Variants in KAZN observed in about 807,000 individuals in gnomAD.
The protein encoded by KAZN is kazrin.
Under a neutral mutation model 87.4 loss-of-function variants are expected in KAZN, and 40 were observed. The ratio of observed to expected loss-of-function variants is 0.46; its 90% confidence interval spans 0.36 to 0.60. The LOEUF (loss-of-function observed/expected upper bound fraction) is 0.60, where lower values mean the gene tolerates loss of function less well. Among genes scored for constraint, KAZN ranks in the 20% least tolerant of loss-of-function variants. KAZN has a pLI of 0.00. For missense variants in KAZN, 898 were observed against 1,073.9 expected (o/e 0.84, Z 2.29); for synonymous variants, 466 against 458.3 (o/e 1.02, Z -0.22).
intron 2 of KAZN, among the ~76,000 whole-genome samples, chr1:15,026,542 C>T (rs1671179345): frequency 1.3e-5 from 2 of 152,104 alleles, no homozygotes; most frequent in African/African-American, 4.8e-5. Context: ...ACCTGGGACC[C>T]CCACCCCCAA....
intron 2 of KAZN, among the ~76,000 whole-genome samples, chr1:15,017,573 G>T (rs752407289): frequency 6.6e-6 from 1 of 152,164 alleles, no homozygotes; most frequent in Non-Finnish European, 1.5e-5. Flanking sequence ...GAAGGCTGAG[G>T]TGGGCGGATC....
At chr1:14,392,079 A>T (rs989288899) in intron 2 of KAZN, among the ~76,000 whole-genome samples, 1 of 94,858 alleles carries the variant, frequency 1.1e-5, no homozygotes, top group Non-Finnish European at 2.5e-5. Context: ...GATTCCTTTA[A>T]CTTTAAGGGA....
intron 1 of KAZN, among the ~76,000 whole-genome samples, chr1:14,059,960 C>T (rs1557441386): frequency 6.6e-6 from 1 of 152,204 alleles, no homozygotes; most frequent in East Asian, 1.9e-4. Flanking sequence ...ATCCTCAAGT[C>T]AATACCTTTT....
intron 2 of KAZN, among the ~76,000 whole-genome samples, chr1:14,344,356 T>C (rs1657960048): frequency 6.6e-6 from 1 of 152,032 alleles, no homozygotes; most frequent in South Asian, 2.1e-4. Context: ...TGTATCTCAA[T>C]GATTACAAGT....
At chr1:14,299,674 C>T (rs994697986) in intron 2 of KAZN, among the ~76,000 whole-genome samples, 1 of 152,236 alleles carries the variant, frequency 6.6e-6, no homozygotes, top group Admixed American at 6.5e-5. Flanking sequence ...ATCACACTCA[C>T]TCTGTACCTC....
chr1:14,319,788 C>A (rs1290244711), intron 2 of KAZN, among the ~76,000 whole-genome samples: 1 of 152,112 alleles, frequency 6.6e-6, no homozygotes, highest in Non-Finnish European at 1.5e-5. Flanking sequence ...ATATTTCATC[C>A]AATTTTCTAG....
Position 14,652,377 on chromosome 1 carries a change from A to G in KAZN, c.226+53154A>G, listed in dbSNP as rs534848645. On this transcript the variant is annotated intron_variant, in intron 1 of 14. Coordinates refer to ENST00000376030, the MANE Select transcript of KAZN (RefSeq NM_201628.3). Reference sequence around the variant, plus strand: ...TTGACTGCAGCTTGGAATTTTTTCTACCTTCTTCCTCCTCCTGTTTCTCTG... The same window carrying G: ...TTGACTGCAGCTTGGAATTTTTTCTGCCTTCTTCCTCCTCCTGTTTCTCTG... Among the ~76,000 whole-genome samples, 17 of 150,580 alleles carry G rather than the reference A, an allele frequency of 1.1e-4. No homozygotes were observed. The East Asian group carries it at 2.9e-3, about 26-fold the overall frequency.
chr1:14,129,040 T>C (rs4662113), intron 1 of KAZN, among the ~76,000 whole-genome samples: 87,118 of 151,986 alleles, frequency 0.57, 26,266 homozygotes, highest in East Asian at 0.76. Context: ...ATTTATGGAC[T>C]CACTTCCCTT....
At chr1:14,346,558 T>C (rs1658123833) in intron 2 of KAZN, among the ~76,000 whole-genome samples, 1 of 152,144 alleles carries the variant, frequency 6.6e-6, no homozygotes, top group Admixed American at 6.5e-5. Flanking sequence ...TAGGCTTCTT[T>C]CTTCCTTGGG....
At chr1:14,748,437 CCTT>C (rs550825567) in intron 1 of KAZN, among the ~76,000 whole-genome samples, 27 of 152,242 alleles carry the variant, frequency 1.8e-4, no homozygotes, top group African/African-American at 2.2e-4. Context: ...GGCAAGCTGA[CCTT>C]CTTCTGCTGG....
chr1:13,914,670 G>A lies in KAZN; in HGVS notation c.91+20914G>A, dbSNP rs117982473. On this transcript the variant is annotated intron_variant, in intron 1 of 16. Transcript: ENST00000636203. Reference sequence around the variant, plus strand: ...GAGAGGGCCCGGTGGCAAAACCTTAGAGCCCTTAAGAATTATGCTAAATAT... The same window carrying A: ...GAGAGGGCCCGGTGGCAAAACCTTAAAGCCCTTAAGAATTATGCTAAATAT... 2.2e-4 allele frequency among the ~76,000 whole-genome samples: 33 copies of A among 152,290 alleles called. No homozygotes were observed. The East Asian group carries it at 6.4e-3, about 29-fold the overall frequency.
chr1:15,107,297 G>A (rs189412104), intron 13 of KAZN, among the ~76,000 whole-genome samples: 2 of 152,302 alleles, frequency 1.3e-5, no homozygotes, highest in East Asian at 3.9e-4. Flanking sequence ...CCCAGGGCCT[G>A]CTTCCACTCC....
At chr1:14,837,007 C>T (rs1455273336) in intron 1 of KAZN, among the ~76,000 whole-genome samples, 1 of 152,148 alleles carries the variant, frequency 6.6e-6, no homozygotes. Flanking sequence ...GATCTAATTA[C>T]ACAGCAGTTC....
chr1:14,745,475 C>T (rs890449342), intron 1 of KAZN, among the ~76,000 whole-genome samples: 1 of 152,110 alleles, frequency 6.6e-6, no homozygotes. Context: ...GTGATTGCTG[C>T]TCCTACAACA....
At chr1:14,426,074 C>G (rs1381590884) in intron 2 of KAZN, among the ~76,000 whole-genome samples, 3 of 152,212 alleles carry the variant, frequency 2.0e-5, no homozygotes, top group Non-Finnish European at 4.4e-5. Context: ...GGCCCCCCGG[C>G]CTCCTCTCCT....
At chr1:14,461,382 G>A (rs551291137) in intron 2 of KAZN, among the ~76,000 whole-genome samples, 2 of 152,122 alleles carry the variant, frequency 1.3e-5, no homozygotes, top group Non-Finnish European at 2.9e-5. Flanking sequence ...CACGAGATCT[G>A]ATGCTTTTAT....
chr1:14,081,804 G>A (rs570694886), intron 1 of KAZN, among the ~76,000 whole-genome samples: 2 of 152,238 alleles, frequency 1.3e-5, no homozygotes, highest in East Asian at 3.9e-4. Context: ...CCAGTCTGGA[G>A]TGCAGTGGTC....
chr1:14,599,346 C>A lies in KAZN; in HGVS notation c.226+123C>A. The A allele has an allele frequency of 9.5e-7, 1 of 1,048,286 alleles. No individual in the cohort carries two copies. Among genetic ancestry groups the A allele is most frequent in the Non-Finnish European group, 1.2e-6 (1 of 822,878 alleles). The allele number at this position is 1,048,286 out of a possible 1,614,324, so 64.9% of individuals were successfully genotyped here. A position where few individuals can be genotyped will look rare whatever the true frequency, so the allele number is the denominator to read the frequency against. On this transcript the variant is annotated intron_variant, in intron 1 of 14. Coordinates refer to ENST00000376030, the MANE Select transcript of KAZN (RefSeq NM_201628.3). This position sits in a 1 kb window ranked among gnomAD's most constrained non-coding sequence, Gnocchi z 4.4. Reference sequence around the variant, plus strand: ...AATCGCTTTGCATTCTGGCTTGTAACCCTTTCCGCCCGGCGGTGGCCACCG... The same window carrying A: ...AATCGCTTTGCATTCTGGCTTGTAAACCTTTCCGCCCGGCGGTGGCCACCG...
In KAZN at chr1:15,101,676, C is replaced by T. The variant is rs1457454827; in HGVS notation, c.1681C>T (p.Arg561Ter). Residue 561 changes from arginine (R) to a stop codon, truncating the protein, a stop_gained, in exon 11 of 15, where the codon CGA becomes TGA. Transcript: ENST00000376030. LOFTEE classifies it high-confidence loss of function. ...DGRMLNSLMK[R>*]DLEKHLNVSK... ...GCGGATGCTGAATTCCCTGATGAAGCGAGACCTGGAGAAGCACCTGAACGT... is the reference window on the plus strand; with the variant it reads ...GCGGATGCTGAATTCCCTGATGAAGTGAGACCTGGAGAAGCACCTGAACGT... The T allele has an allele frequency of 2.5e-6, 4 of 1,591,914 alleles. No homozygotes were observed. The highest frequency in any genetic ancestry group is 1.3e-5 in the African/African-American group (1 of 74,618).
Sources: allele counts gnomAD v4.1 joint callset (sites outside exome capture counted in the v4.1 genomes callset), GRCh38; gene constraint gnomAD v4.1.1; non-coding constraint Gnocchi (gnomAD v3.1); transcripts MANE v1.5; gene names NCBI Gene and HGNC (gene_info 2026-07-23, HGNC 2026-07-21).